The following CDCP2 variants were observed in gnomAD, a reference collection of about 807,000 sequenced individuals.
CDCP2 encodes the protein CUB domain-containing protein 2.
A neutral mutation model predicts 31.0 loss-of-function variants in CDCP2; 31 were observed. The observed-to-expected ratio is 1.00, with a 90% confidence interval of 0.75 to 1.35. The LOEUF (loss-of-function observed/expected upper bound fraction) is 1.35. Ranked by LOEUF, CDCP2 falls within the 40% of genes most tolerant of loss-of-function variation. The pLI is 0.00. For missense variants in CDCP2, 443 were observed against 482.6 expected (o/e 0.92, Z 0.77); for synonymous variants, 206 against 207.9 (o/e 0.99, Z 0.08).
At chr1:54,144,443 G>A in intron 2 of CDCP2, 23 bp downstream of exon 2, 1 of 1,542,154 alleles carries the variant, frequency 6.5e-7, no homozygotes, top group South Asian at 1.3e-5. Context: ...CACTGCAACA[G>A]GTCCCTAAGG....
exon 3 of CDCP2, chr1:54,141,161 G>T (rs1486442956): frequency 6.4e-7 from 1 of 1,566,112 alleles, no homozygotes. Context: ...AAGACCACCT[G>T]CAGTTCGTGG....
chr1:54,144,399 G>T (rs1659423888), intron 2 of CDCP2, 67 bp downstream of exon 2: 5 of 1,383,714 alleles, frequency 3.6e-6, no homozygotes, highest in Non-Finnish European at 4.9e-6. Flanking sequence ...CTCCCACTTT[G>T]GCTTGCCAAA....
At chr1:54,145,496 A>G (rs1308897656) in intron 1 of CDCP2, among the ~76,000 whole-genome samples, 2 of 152,194 alleles carry the variant, frequency 1.3e-5, no homozygotes, top group East Asian at 1.9e-4. Context: ...CTATGGAGAA[A>G]AAGCAAGCCA....
chr1:54,148,823 G>C (rs1282553625), intron 1 of CDCP2, among the ~76,000 whole-genome samples: 1 of 151,378 alleles, frequency 6.6e-6, no homozygotes, highest in Non-Finnish European at 1.5e-5. Context: ...CTGAGGCCAG[G>C]AGTTTGAGAC....
chr1:54,149,874 C>G (rs915479165), intron 1 of CDCP2, among the ~76,000 whole-genome samples: 1 of 152,254 alleles, frequency 6.6e-6, no homozygotes, highest in African/African-American at 2.4e-5. Flanking sequence ...ATGAACTAGG[C>G]AGGGCAGGTG....
At chr1:54,140,877 T>C (rs1659355608) in intron 3 of CDCP2, 1 of 427,598 alleles carries the variant, frequency 2.3e-6, no homozygotes. Flanking sequence ...ATATAAGGAG[T>C]TGAAAAAAGG....
chr1:54,137,680 T>C (rs1659280645), intron 4 of CDCP2: 1 of 129,604 alleles, frequency 7.7e-6, no homozygotes, highest in South Asian at 3.2e-4. Context: ...TGTGTGTGTG[T>C]GTGCGTGTGT....
chr1:54,133,824 A>G (rs576269140), intron 5 of CDCP2, among the ~76,000 whole-genome samples: 1 of 151,474 alleles, frequency 6.6e-6, no homozygotes, highest in Non-Finnish European at 1.5e-5. Flanking sequence ...TGAACCCGGG[A>G]GGTGGAGCTT....
chr1:54,145,287 G>C (rs370556815), intron 1 of CDCP2, among the ~76,000 whole-genome samples: 1 of 152,086 alleles, frequency 6.6e-6, no homozygotes, highest in African/African-American at 2.4e-5. Flanking sequence ...TTAGCCAGGC[G>C]TGGTGGTGCG....
intron 3 of CDCP2, chr1:54,140,594 G>T: frequency 9.2e-6 from 2 of 217,814 alleles, no homozygotes; most frequent in Non-Finnish European, 1.8e-5. Context: ...ACTCCTTCAG[G>T]GTACTGCTCA....
exon 5 of CDCP2, chr1:54,136,644 C>T (rs899535318): frequency 1.3e-5 from 5 of 399,056 alleles, no homozygotes; most frequent in Non-Finnish European, 2.2e-5. Flanking sequence ...GACTCAGTGC[C>T]GCAGGTATCA....
At position 54,141,459 on chromosome 1, in the gene CDCP2, C is replaced by A. The variant is rs3766463; in HGVS notation, c.428-26G>T. On this transcript the variant is annotated intron_variant, in intron 2 of 5. Transcript: ENST00000530059. Reference sequence around the variant, plus strand: ...CTGCAAGGGAGCCCACTTGAGCTGACCTTTCTTTCTCCTTGTGGCTCCCAG... The same window carrying A: ...CTGCAAGGGAGCCCACTTGAGCTGAACTTTCTTTCTCCTTGTGGCTCCCAG... 262 of 1,558,868 alleles carry A rather than the reference C, an allele frequency of 1.7e-4. 2 individuals carry two copies. The East Asian group carries it at 4.1e-3, about 24-fold the overall frequency.
chr1:54,139,851 A>G, exon 4 of CDCP2: 1 of 1,614,038 alleles, frequency 6.2e-7, no homozygotes. Context: ...GGGTGGTGGC[A>G]GGTGGTGTCC....
At chr1:54,145,064 CA>C (rs1557708349) in intron 1 of CDCP2, among the ~76,000 whole-genome samples, 1 of 152,124 alleles carries the variant, frequency 6.6e-6, no homozygotes, top group Non-Finnish European at 1.5e-5. Flanking sequence ...ACAAAACAGA[CA>C]AAACCCCTAC....
chr1:54,144,951 G>A (rs1387401689), intron 1 of CDCP2, 138 bp from the exon 2 acceptor site: 5 of 626,000 alleles, frequency 8.0e-6, no homozygotes, highest in South Asian at 2.0e-5. Context: ...ATTTGCTCAT[G>A]CATCTACTTA....
chr1:54,137,692 T>TGTGTGTGTGTGTGTGTGTGCGTGC (rs60839953), intron 4 of CDCP2: 1 of 146,090 alleles, frequency 6.8e-6, no homozygotes, highest in Non-Finnish European at 1.5e-5. Flanking sequence ...TGCGTGTGTG[T>TGTGTGTGTGTGTGTGTGTGCGTGC]GTGTGTGTGT....
chr1:54,148,766 C>T (rs1387849225), intron 1 of CDCP2, among the ~76,000 whole-genome samples: 7 of 150,454 alleles, frequency 4.7e-5, no homozygotes, highest in Admixed American at 2.0e-4. Flanking sequence ...TGCCATGGCT[C>T]ACACCTGTAA....
At chr1:54,139,909 C>A in exon 4 of CDCP2, 1 of 1,614,156 alleles carries the variant, frequency 6.2e-7, no homozygotes, top group Non-Finnish European at 8.5e-7. Flanking sequence ...CCATCGAAGG[C>A]CGCCAGATGG....
At chr1:54,152,810 C>G (rs1659606887) in intron 1 of CDCP2, 34 bp downstream of exon 1, 3 of 1,586,700 alleles carry the variant, frequency 1.9e-6, no homozygotes, top group Non-Finnish European at 2.6e-6. Context: ...ACCTCCTTCC[C>G]CTCTCAGTTC....
Sources: gnomAD v4.1 joint callset for allele counts (sites outside exome capture counted in the v4.1 genomes callset) on GRCh38, gnomAD v4.1.1 for gene constraint, MANE v1.5 for transcripts, NCBI Gene and HGNC (gene_info 2026-07-23, HGNC 2026-07-21) for gene names.